The following PLA2G3 variants were observed in gnomAD, a reference collection of about 807,000 sequenced individuals.
PLA2G3 encodes group 3 secretory phospholipase A2.
A neutral mutation model predicts 51.3 loss-of-function variants in PLA2G3; 39 were observed. That is an observed-to-expected ratio of 0.76 (90% CI 0.59 to 0.99). The LOEUF is 0.99. Ranked by LOEUF, PLA2G3 falls within the 50% of genes least tolerant of loss-of-function variation. The pLI is 0.00. For synonymous variants in PLA2G3, 293 were observed against 263.1 expected (o/e 1.11, Z -1.10); for missense variants, 677 against 662.1 (o/e 1.02, Z -0.25).
At chr22:31,136,079 A>T in intron 6 of PLA2G3, 143 bp from the exon 7 acceptor site, 1 of 664,242 alleles carries the variant, frequency 1.5e-6, no homozygotes, top group South Asian at 1.9e-5. Flanking sequence ...TTTCACGGAG[A>T]AAGGGTATAA....
chr22:31,140,311 C>T lies in PLA2G3; in HGVS notation c.44G>A (p.Gly15Glu). Reference protein sequence around the residue: ...AGLFGMLGFLGVALGGSPALR... With the variant: ...AGLFGMLGFLEVALGGSPALR... ...GGCAGGGGAGCCCCCCAGGGCCACC[C>T]CCAGGAAGCCCAGCATCCCAAACAG... Residue 15 changes from glycine (G) to glutamate (E), a missense_variant, in exon 1 of 7, where the codon GGG (glycine) becomes GAG (glutamate). By Grantham distance (98) the Gly-to-Glu change is moderately conservative. Transcript: ENST00000215885. 6.2e-7 allele frequency: 1 copy of T among 1,608,984 alleles called. No homozygotes were observed. The highest frequency in any genetic ancestry group is 1.1e-5 in the South Asian group (1 of 90,944).
At position 31,138,687 on chromosome 22, in the gene PLA2G3, G is replaced by A. The variant is rs1341048164; in HGVS notation, c.627C>T (p.Ser209=). The A allele has an allele frequency of 1.2e-5, 20 of 1,614,152 alleles. No individual in the cohort carries two copies. Among genetic ancestry groups the A allele is most frequent in the Non-Finnish European group, 1.6e-5 (19 of 1,180,014 alleles). ...CCAACCTGGTGTCACAGTCACAGTG[G>A]GAGATGGTGTGGAATCGGTAGTTTC... The part of the protein sequence containing the change: ...GIRNYRFHTI[S]HCDCDTRFQQ... The change falls in exon 2 of 7, where the codon TCC becomes TCT. Residue 209 remains serine, a synonymous_variant. Transcript: ENST00000215885.
At position 31,138,741 on chromosome 22, in the gene PLA2G3, G is replaced by T. The variant is rs1444511794; in HGVS notation, c.573C>A (p.Ile191=). The change falls in exon 2 of 7, where the codon ATC becomes ATA. Residue 191 remains isoleucine (I), a synonymous_variant. Transcript: ENST00000215885. ...TGCCATAGTTGTACTGCAAGGGTGAGATGTTCTGTGGGCAGCGGTCATGTT... is the reference window on the plus strand; with the variant it reads ...TGCCATAGTTGTACTGCAAGGGTGATATGTTCTGTGGGCAGCGGTCATGTT... ...CREHDRCPQN[I]SPLQYNYGIR... 1 of 1,614,008 alleles carries T rather than the reference G, an allele frequency of 6.2e-7. No homozygotes were observed. The highest frequency in any genetic ancestry group is 8.5e-7 in the Non-Finnish European group (1 of 1,180,006).
intron 1 of PLA2G3, among the ~76,000 whole-genome samples, chr22:31,139,216 C>T (rs1334855584): frequency 6.6e-6 from 1 of 152,226 alleles, no homozygotes; most frequent in African/African-American, 2.4e-5. Context: ...TGCCAACCTA[C>T]TCTGACTCAG....
chr22:31,140,461 C>G lies in PLA2G3; in HGVS notation c.-107G>C, dbSNP rs568663452. The G allele has an allele frequency of 2.0e-5, 26 of 1,294,376 alleles. No homozygotes were observed. In the Admixed American group the frequency reaches 3.1e-4, roughly 15 times the overall value. The allele number at this position is 1,294,376 out of a possible 1,614,324, so 80.2% of individuals were successfully genotyped here. On this transcript the variant is annotated 5_prime_UTR_variant, in exon 1 of 7. Transcript: ENST00000215885. ...GAACGGAAGCGGAGCCCAGCAGGCC[C>G]GGTGCGGCGGGACCAATGAATGGAG...
Position 31,139,954 on chromosome 22 carries a change from G to A in PLA2G3, c.401C>T (p.Ala134Val). The A allele has an allele frequency of 6.2e-7, 1 of 1,613,924 alleles. No individual in the cohort carries two copies. The highest frequency in any genetic ancestry group is 8.5e-7 in the Non-Finnish European group (1 of 1,179,994). The change falls in exon 1 of 7, where the codon GCA (alanine) becomes GTA (valine). Residue 134 changes from alanine (A) to valine (V), a missense_variant. By Grantham distance (64) the Ala-to-Val change is moderately conservative. Coordinates refer to ENST00000215885, the MANE Select transcript of PLA2G3 (RefSeq NM_015715.5). ...TCCACCAGGGACTCCACTCTGCCCTGCTGCTCGCTTCTTCCTGGCCCCTGC... is the reference window on the plus strand; with the variant it reads ...TCCACCAGGGACTCCACTCTGCCCTACTGCTCGCTTCTTCCTGGCCCCTGC... ...SPAGARKKRA[A>V]GQSGVPGGGH...
In PLA2G3 at chr22:31,135,637, C is replaced by G. The variant is rs1602750687; in HGVS notation, c.*86G>C. 1 of 1,003,520 alleles carries G rather than the reference C, an allele frequency of 1.0e-6. No homozygotes were observed. The highest frequency in any genetic ancestry group is 1.8e-5 in the Admixed American group (1 of 55,644). The allele number at this position is 1,003,520 out of a possible 1,614,324, so 62.2% of individuals were successfully genotyped here. ...CAGCCTCTGCCATGCTTCAGTCTAA[C>G]CTACGGAGGGGAGGCTGAGATTCCC... On this transcript the variant is annotated 3_prime_UTR_variant, in exon 7 of 7. Transcript: ENST00000215885.
chr22:31,136,591 C>T lies in PLA2G3; in HGVS notation c.1316+92G>A, dbSNP rs957319329. The T allele has an allele frequency of 3.1e-6, 3 of 979,260 alleles. No individual in the cohort carries two copies. In the African/African-American group the frequency reaches 4.9e-5, roughly 16 times the overall value. 60.7% of individuals were successfully genotyped at this position (979,260 alleles called of 1,614,324 possible). A position where few individuals can be genotyped will look rare whatever the true frequency, so the allele number is the denominator to read the frequency against. On this transcript the variant is annotated intron_variant, in intron 6 of 6. Transcript: ENST00000215885. ...GAGCTCAGAGGTCTCCGGATCCCTT[C>T]CCCTACCCCTTGGCCCAAGCATTCA... is the stretch of plus-strand genomic sequence containing the variant.
chr22:31,139,997 C>T lies in PLA2G3; in HGVS notation c.358G>A (p.Ala120Thr). Residue 120 changes from alanine (A) to threonine (T), a missense_variant, in exon 1 of 7, where the codon GCG becomes ACG. Coordinates refer to ENST00000215885, the MANE Select transcript of PLA2G3 (RefSeq NM_015715.5). ...GCCCCTGCTGGACTCTCCTCAAGCGCTCGGCATGCCTCCCACTGACTCTGA... is the reference window on the plus strand; with the variant it reads ...GCCCCTGCTGGACTCTCCTCAAGCGTTCGGCATGCCTCCCACTGACTCTGA... Reference protein sequence around the residue: ...TLQSQWEACRALEESPAGARK... With the variant: ...TLQSQWEACRTLEESPAGARK... The T allele has an allele frequency of 6.2e-7, 1 of 1,613,870 alleles. No individual in the cohort carries two copies. The highest frequency in any genetic ancestry group is 1.1e-5 in the South Asian group (1 of 91,068).
In PLA2G3 at chr22:31,136,801, T is replaced by C. The variant is rs749252852; in HGVS notation, c.1200-2A>G. ...TGGAGCCTCAGGAAGCGTGCCAGAC[T>C]GAGAACAGAGGCAGGCTCAGGCCGG... On this transcript the variant is annotated splice_acceptor_variant, in intron 5 of 6. Coordinates refer to ENST00000215885, the MANE Select transcript of PLA2G3 (RefSeq NM_015715.5). LOFTEE classifies it high-confidence loss of function. 9 of 1,608,542 alleles carry C rather than the reference T, an allele frequency of 5.6e-6. No individual in the cohort carries two copies. The South Asian group carries it at 8.8e-5, about 16-fold the overall frequency.
At position 31,137,010 on chromosome 22, in the gene PLA2G3, C is replaced by T. The variant is rs372652796; in HGVS notation, c.1097G>A (p.Arg366His). The T allele has an allele frequency of 8.7e-5, 135 of 1,552,230 alleles. No homozygotes were observed. Among genetic ancestry groups the T allele is most frequent in the Admixed American group, 5.2e-4 (26 of 49,652 alleles). The change falls in exon 5 of 7, where the codon CGC becomes CAC. Residue 366 changes from arginine to histidine, a missense_variant. Coordinates refer to ENST00000215885, the MANE Select transcript of PLA2G3 (RefSeq NM_015715.5). ...CTGGTGCTCACACTGGTCCAGGTGG[C>T]GGCGGAAGCTGCGGCAGACCCAGCG... Reference protein sequence around the residue: ...GARWVCRSFRRHLDQCEHQIG... With the variant: ...GARWVCRSFRHHLDQCEHQIG...
chr22:31,138,947 T>C (rs1922748369), intron 1 of PLA2G3, 148 bp from the exon 2 acceptor site: 1 of 687,120 alleles, frequency 1.5e-6, no homozygotes, highest in Non-Finnish European at 2.4e-6. Context: ...GACCAGTCAC[T>C]CTCCCTTCTG....
In PLA2G3 at chr22:31,137,056, G is replaced by A. The variant is rs377573174; in HGVS notation, c.1067-16C>T. 1.7e-5 allele frequency: 25 copies of A among 1,503,174 alleles called. No individual in the cohort carries two copies. The highest frequency in any genetic ancestry group is 2.2e-5 in the Non-Finnish European group (25 of 1,124,934). 93.1% of individuals were successfully genotyped at this position (1,503,174 alleles called of 1,614,324 possible). ...CAGCGGGCACCTGAGGGGTGGATGT[G>A]GTGTTGATGGGAGCCCAATCCACCA... On this transcript the variant is annotated splice_polypyrimidine_tract_variant and intron_variant, in intron 4 of 6. Transcript: ENST00000215885.
At chr22:31,135,990 T>G (rs776186159) in intron 6 of PLA2G3, 54 bp from the exon 7 acceptor site, 8 of 1,450,064 alleles carry the variant, frequency 5.5e-6, no homozygotes, top group Non-Finnish European at 7.7e-6. Flanking sequence ...GATCCCACCT[T>G]ACTCTGCAGA....
intron 6 of PLA2G3, 89 bp downstream of exon 6, chr22:31,136,594 C>G: frequency 2.0e-6 from 2 of 1,010,956 alleles, no homozygotes; most frequent in Non-Finnish European, 3.1e-6. Flanking sequence ...ATCCCTTCCC[C>G]TACCCCTTGG....
chr22:31,137,874 T>A lies in PLA2G3; in HGVS notation c.902A>T (p.Lys301Met). Reference protein sequence around the residue: ...TPSSRSPAPPKPRQKQHLRKG... With the variant: ...TPSSRSPAPPMPRQKQHLRKG... ...CCGAAGGTGCTGCTTCTGTCGAGGC[T>A]TGGGAGGGGCTGGGCTCCGGGAGCT... The change falls in exon 4 of 7, where the codon AAG becomes ATG. Residue 301 changes from lysine to methionine, a missense_variant. Lys to Met is a moderately conservative substitution (Grantham distance 95). Coordinates refer to ENST00000215885, the MANE Select transcript of PLA2G3 (RefSeq NM_015715.5). The A allele has an allele frequency of 1.2e-6, 2 of 1,613,928 alleles. No homozygotes were observed. The highest frequency in any genetic ancestry group is 1.7e-6 in the Non-Finnish European group (2 of 1,179,950).
At chr22:31,138,234 C>T (rs1392639396) in intron 3 of PLA2G3, 42 bp downstream of exon 3, 1 of 1,603,354 alleles carries the variant, frequency 6.2e-7, no homozygotes, top group Non-Finnish European at 8.5e-7. Context: ...AGCCTGGGCT[C>T]CCTCTCTGTC....
intron 6 of PLA2G3, 28 bp downstream of exon 6, chr22:31,136,655 C>G (rs1922580522): frequency 5.1e-6 from 8 of 1,580,252 alleles, no homozygotes; most frequent in Non-Finnish European, 6.1e-6. Context: ...GAAAACCCCC[C>G]ATCCCTCCTG....
Position 31,140,103 on chromosome 22 carries a change from A to G in PLA2G3, c.252T>C (p.Gly84=), listed in dbSNP as rs1482758836. ...AGGCAGTCTCATGAGCACAGAGAGC[A>G]CCGTAGGCTGCGGTGAGCTCCGGCT... ...EDEPELTAAY[G]ALCAHETAWG... is the part of the protein sequence containing the mutation. Residue 84 remains glycine (G), a synonymous_variant, in exon 1 of 7, where the codon GGT becomes GGC. Transcript: ENST00000215885. 2 of 1,613,084 alleles carry G rather than the reference A, an allele frequency of 1.2e-6. No individual in the cohort carries two copies. Among genetic ancestry groups the G allele is most frequent in the Non-Finnish European group, 1.7e-6 (2 of 1,180,002 alleles).
Sources: gnomAD v4.1 joint callset for allele counts (sites outside exome capture counted in the v4.1 genomes callset) on GRCh38, gnomAD v4.1.1 for gene constraint, MANE v1.5 for transcripts, NCBI Gene and HGNC (gene_info 2026-07-23, HGNC 2026-07-21) for gene names.